Variants in OTUD4 observed in about 807,000 individuals in gnomAD.
OTUD4 encodes OTU deubiquitinase 4, also known as OTU domain-containing protein 4.
A neutral mutation model predicts 130.4 loss-of-function variants in OTUD4; 24 were observed. That is an observed-to-expected ratio of 0.18 (90% CI 0.13 to 0.26). The LOEUF (loss-of-function observed/expected upper bound fraction) is 0.26. Ranked by LOEUF, OTUD4 falls within the 10% of genes least tolerant of loss-of-function variation. The pLI is 1.00. For missense variants in OTUD4, 1,031 were observed against 1,329.4 expected (o/e 0.78, Z 3.49); for synonymous variants, 420 against 472.5 (o/e 0.89, Z 1.44).
intron 3 of OTUD4, among the ~76,000 whole-genome samples, chr4:145,170,217 C>T (rs1035674469): frequency 1.3e-5 from 2 of 152,202 alleles, no homozygotes; most frequent in African/African-American, 4.8e-5. Flanking sequence ...TACAGATAAC[C>T]TACAGATCAC....
chr4:145,142,372 A>G (rs756744274), intron 17 of OTUD4, 38 bp from the exon 18 acceptor site: 6 of 1,599,002 alleles, frequency 3.8e-6, no homozygotes, highest in Non-Finnish European at 5.1e-6. Flanking sequence ...ACAGAAAAAG[A>G]CAAGAGGTCA....
intron 3 of OTUD4, among the ~76,000 whole-genome samples, chr4:145,167,621 C>T (rs1008485108): frequency 1.3e-5 from 2 of 152,136 alleles, no homozygotes; most frequent in African/African-American, 4.8e-5. Flanking sequence ...CTTTGGGAGG[C>T]CAAGGAGGGT....
At chr4:145,159,725 G>T in intron 6 of OTUD4, 90 bp from the exon 7 acceptor site, 1 of 1,231,818 alleles carries the variant, frequency 8.1e-7, no homozygotes, top group Non-Finnish European at 1.2e-6. Flanking sequence ...ACTTTCTATT[G>T]CTCAGGCTTT....
Position 145,134,407 on chromosome 4 carries a change from A to G in OTUD4, c.*3023T>C, listed in dbSNP as rs1750140079. The G allele has an allele frequency of 6.7e-6, 2 of 298,780 alleles. No individual in the cohort carries two copies. Among genetic ancestry groups the G allele is most frequent in the South Asian group, 3.2e-4 (2 of 6,170 alleles). 18.5% of individuals were successfully genotyped at this position (298,780 alleles called of 1,614,324 possible). On this transcript the variant is annotated 3_prime_UTR_variant, in exon 21 of 21. Coordinates refer to ENST00000447906, the MANE Select transcript of OTUD4 (RefSeq NM_001366057.1). ...TGAAGGTAAAACGAAAGAGGCAAAAATAAATATTGCTAGTTTCTAGGATGG... is the reference window on the plus strand; with the variant it reads ...TGAAGGTAAAACGAAAGAGGCAAAAGTAAATATTGCTAGTTTCTAGGATGG...
At chr4:145,155,839 C>A in intron 8 of OTUD4, 97 bp downstream of exon 8, 1 of 1,084,722 alleles carries the variant, frequency 9.2e-7, no homozygotes, top group South Asian at 1.5e-5. Flanking sequence ...CCTGACTTGA[C>A]TGAAATGTAC....
chr4:145,144,501 G>C (rs1426109712), intron 14 of OTUD4, 67 bp from the exon 15 acceptor site: 3 of 1,443,400 alleles, frequency 2.1e-6, no homozygotes, highest in Non-Finnish European at 9.5e-7. Context: ...AACAAATTCT[G>C]TAATTAATCT....
intron 3 of OTUD4, among the ~76,000 whole-genome samples, chr4:145,167,958 T>G (rs1263316894): frequency 6.6e-6 from 1 of 152,142 alleles, no homozygotes; most frequent in Non-Finnish European, 1.5e-5. Flanking sequence ...AATTCTTTTG[T>G]AGTCTGGTTA....
At chr4:145,177,008 T>C (rs926041518) in intron 1 of OTUD4, among the ~76,000 whole-genome samples, 3 of 152,256 alleles carry the variant, frequency 2.0e-5, no homozygotes, top group Non-Finnish European at 4.4e-5. Context: ...TATTCTTATA[T>C]ATTCTAAGAG....
intron 3 of OTUD4, among the ~76,000 whole-genome samples, chr4:145,170,329 TCAC>T (rs1560998488): frequency 6.6e-6 from 1 of 152,212 alleles, no homozygotes; most frequent in Non-Finnish European, 1.5e-5. Context: ...AACTCCTTTC[TCAC>T]CACTTCTTAT....
At chr4:145,143,306 A>G in intron 17 of OTUD4, 59 bp downstream of exon 17, 1 of 1,070,422 alleles carries the variant, frequency 9.3e-7, no homozygotes, top group East Asian at 2.4e-5. Flanking sequence ...GACCCTATAC[A>G]CAGAGCACAG....
chr4:145,142,473 G>A lies in OTUD4; in HGVS notation c.1684-139C>T, dbSNP rs1579244593. 11 of 690,264 alleles carry A rather than the reference G, an allele frequency of 1.6e-5. No homozygotes were observed. In the East Asian group the frequency reaches 2.7e-4, roughly 17 times the overall value. The allele number at this position is 690,264 out of a possible 1,614,324, so 42.8% of individuals were successfully genotyped here. The stretch of plus-strand genomic sequence containing the variant: ...AGTACAAATAGCCCTTATAGTCTTA[G>A]AAATGTAAGAAAAACACACAGTAGC... On this transcript the variant is annotated intron_variant, in intron 17 of 20. Coordinates refer to ENST00000447906, the MANE Select transcript of OTUD4 (RefSeq NM_001366057.1).
In OTUD4 at chr4:145,152,558, A is replaced by T; in HGVS notation, c.951T>A (p.Val317=). The T allele has an allele frequency of 6.2e-7, 1 of 1,601,696 alleles. No individual in the cohort carries two copies. Among genetic ancestry groups the T allele is most frequent in the Non-Finnish European group, 8.6e-7 (1 of 1,169,582 alleles). The change falls in exon 11 of 21, where the codon GTT becomes GTA. Residue 317 remains valine (V), a synonymous_variant. Coordinates refer to ENST00000447906, the MANE Select transcript of OTUD4 (RefSeq NM_001366057.1). ...GIHSENGPVL[V]EELGKKHTSK... ...GTACATACTTCTTTCCCAGTTCTTCAACCAAAACTGGTCCATTCTCAGAAT... is the reference window on the plus strand; with the variant it reads ...GTACATACTTCTTTCCCAGTTCTTCTACCAAAACTGGTCCATTCTCAGAAT...
At position 145,179,674 on chromosome 4, in the gene OTUD4, C is replaced by CA. The variant is rs1393195047; in HGVS notation, c.159+140dup. 14 of 1,405,302 alleles carry CA rather than the reference C, an allele frequency of 1.0e-5. No homozygotes were observed. In the East Asian group the frequency reaches 4.0e-4, roughly 40 times the overall value. 87.1% of individuals were successfully genotyped at this position (1,405,302 alleles called of 1,614,324 possible). On this transcript the variant is annotated intron_variant, in intron 1 of 20. Transcript: ENST00000447906. ...AAAGCAGCGTCCCACTCCGGCGTTA[C>CA]AATGGGGCGCTGTGACGACAGCCAG...
chr4:145,165,775 C>T (rs1244422433), intron 3 of OTUD4, among the ~76,000 whole-genome samples: 2 of 152,080 alleles, frequency 1.3e-5, no homozygotes, highest in African/African-American at 4.8e-5. Flanking sequence ...TGCGCCTGGC[C>T]CAAGTTGAGA....
intron 15 of OTUD4, 44 bp from the exon 16 acceptor site, chr4:145,144,045 C>A: frequency 7.0e-7 from 1 of 1,427,024 alleles, no homozygotes; most frequent in South Asian, 1.2e-5. Flanking sequence ...AGCCACCAGT[C>A]ATGTCTGAAC....
chr4:145,177,957 T>C (rs1269919779), intron 1 of OTUD4, among the ~76,000 whole-genome samples: 3 of 152,206 alleles, frequency 2.0e-5, no homozygotes, highest in African/African-American at 7.2e-5. Flanking sequence ...CACACACACT[T>C]TGCCTTTGGC....
intron 2 of OTUD4, among the ~76,000 whole-genome samples, chr4:145,172,455 CTTCA>C (rs1752217414): frequency 1.3e-5 from 2 of 152,304 alleles, no homozygotes; most frequent in East Asian, 1.9e-4. Context: ...TGCTTCATCG[CTTCA>C]TTGTTACTTT....
At chr4:145,143,233 GC>G in intron 17 of OTUD4, 131 bp downstream of exon 17, 1 of 536,474 alleles carries the variant, frequency 1.9e-6, no homozygotes, top group Non-Finnish European at 3.3e-6. Context: ...CATAACCACA[GC>G]CAAACTGTGA....
intron 11 of OTUD4, 123 bp downstream of exon 11, chr4:145,152,418 A>G (rs1751108384): frequency 6.5e-6 from 4 of 615,112 alleles, no homozygotes; most frequent in Non-Finnish European, 1.2e-5. Context: ...GCCCAAATAT[A>G]CTTTCTATAC....
Sources: gnomAD v4.1 joint callset for allele counts (sites outside exome capture counted in the v4.1 genomes callset) on GRCh38, gnomAD v4.1.1 for gene constraint, MANE v1.5 for transcripts, NCBI Gene and HGNC (gene_info 2026-07-23, HGNC 2026-07-21) for gene names.